The following CREBL2 variants were observed in gnomAD, a reference collection of about 807,000 sequenced individuals.
CREBL2 encodes cAMP-responsive element-binding protein-like 2.
CREBL2 carries 4 observed loss-of-function variants against 19.5 expected under a neutral mutation model. The observed-to-expected ratio is 0.20, with a 90% CI of 0.10 to 0.47. CREBL2 has a LOEUF of 0.47. CREBL2 is among the 20% of genes least tolerant of loss of function. The pLI, the probability that CREBL2 is intolerant of heterozygous loss-of-function variation, is 0.98. For synonymous variants in CREBL2, 42 were observed against 46.6 expected, an observed-to-expected ratio of 0.90 and a Z score of 0.40; for missense variants, 85 against 145.1, an observed-to-expected ratio of 0.59 and a Z score of 2.13.
intron 1 of CREBL2, among the ~76,000 whole-genome samples, chr12:12,625,059 TAGTCTCGTCTACC>T (rs1465156927): frequency 2.0e-5 from 3 of 152,002 alleles, no homozygotes; most frequent in African/African-American, 7.3e-5. Context: ...CATCTAGCCG[TAGTCTCGTCTACC>T]AGTCTCGTCT....
intron 3 of CREBL2, 36 bp from the exon 4 acceptor site, chr12:12,641,958 A>G: frequency 6.7e-7 from 1 of 1,494,364 alleles, no homozygotes; most frequent in South Asian, 1.2e-5. Flanking sequence ...TATTGACTCT[A>G]AAAACATTCT....
chr12:12,638,782 A>G (rs141678905), intron 3 of CREBL2, among the ~76,000 whole-genome samples: 3 of 152,218 alleles, frequency 2.0e-5, no homozygotes, highest in African/African-American at 2.4e-5. Context: ...CACCTAATCC[A>G]GGCTGTCTAG....
intron 1 of CREBL2, among the ~76,000 whole-genome samples, chr12:12,622,013 G>C (rs942593420): frequency 2.6e-5 from 4 of 152,198 alleles, no homozygotes; most frequent in Non-Finnish European, 4.4e-5. Context: ...CATATGACTG[G>C]AGTTCAAATC....
At chr12:12,641,244 A>ATTTTTTTTTTTTTTTTT (rs1566116871) in intron 3 of CREBL2, among the ~76,000 whole-genome samples, 1 of 15,584 alleles carries the variant, frequency 6.4e-5, no homozygotes, top group African/African-American at 1.1e-4. Flanking sequence ...TATTATTATT[A>ATTTTTTTTTTTTTTTTT]TTATTATTAT....
At chr12:12,631,542 C>T (rs1945442624) in intron 1 of CREBL2, among the ~76,000 whole-genome samples, 1 of 152,152 alleles carries the variant, frequency 6.6e-6, no homozygotes, top group Non-Finnish European at 1.5e-5. Context: ...TAATATGCTT[C>T]CTCACAGAAG....
In CREBL2 at chr12:12,641,260, TTTA is replaced by T. The variant is rs374827206; in HGVS notation, c.359-731_359-729del. 1.9e-3 allele frequency among the ~76,000 whole-genome samples: 203 copies of T among 106,772 alleles called. 2 individuals are homozygous for T. Among genetic ancestry groups the T allele is most frequent in the African/African-American group, 5.4e-3 (155 of 28,466 alleles). 70.0% of individuals were successfully genotyped at this position (106,772 alleles called of 152,430 possible). On this transcript the variant is annotated intron_variant, in intron 3 of 3. Transcript: ENST00000228865. ...ATTATTATTATTATTATTATTTTTT[TTTA>T]TTTTTTTTTTTTTTAGGTCAACCTC...
intron 3 of CREBL2, among the ~76,000 whole-genome samples, chr12:12,639,041 T>A (rs552224918): frequency 6.6e-5 from 10 of 152,346 alleles, no homozygotes; most frequent in Admixed American, 6.5e-4. Context: ...TTCTGTATAT[T>A]AATATTTTAT....
intron 1 of CREBL2, among the ~76,000 whole-genome samples, chr12:12,618,316 G>T (rs1238276877): frequency 1.3e-5 from 2 of 151,320 alleles, no homozygotes; most frequent in Non-Finnish European, 2.9e-5. Flanking sequence ...TTCTCAGACG[G>T]GGCAGCCGGG....
In CREBL2 at chr12:12,635,941, A is replaced by G; in HGVS notation, c.180A>G (p.Arg60=). The stretch of plus-strand genomic sequence containing the variant: ...AAGAGTTGGTATCCAGTCGAGAAAG[A>G]GCTATATGTGCCCTCAGAGAGGAAC... ...YLEELVSSRE[R]AICALREELE... The change falls in exon 2 of 4, where the codon AGA becomes AGG. Residue 60 remains arginine, a synonymous_variant. Coordinates refer to ENST00000228865, the MANE Select transcript of CREBL2 (RefSeq NM_001310.4). 1.2e-6 allele frequency: 2 copies of G among 1,614,154 alleles called. No individual in the cohort carries two copies. Among genetic ancestry groups the G allele is most frequent in the Non-Finnish European group, 1.7e-6 (2 of 1,180,016 alleles).
In CREBL2 at chr12:12,611,938, A is replaced by AGGCGGC; in HGVS notation, c.-227_-222dup. ...GAGACTGTCATGGAGGGGGAGGAGG[A>AGGCGGC]GGCGGCGGCGGCGAAGGGAGGCGTT... On this transcript the variant is annotated 5_prime_UTR_variant, in exon 1 of 4. Coordinates refer to ENST00000228865, the MANE Select transcript of CREBL2 (RefSeq NM_001310.4). The AGGCGGC allele has an allele frequency of 3.5e-6, 2 of 577,292 alleles. No homozygotes were observed. Among genetic ancestry groups the AGGCGGC allele is most frequent in the East Asian group, 3.0e-5 (1 of 33,514 alleles). The allele number at this position is 577,292 out of a possible 1,614,324, so 35.8% of individuals were successfully genotyped here.
Position 12,644,011 on chromosome 12 carries a change from C to T in CREBL2, c.*2013C>T, listed in dbSNP as rs1014510514. 2.6e-5 allele frequency: 4 copies of T among 152,708 alleles called. No individual in the cohort carries two copies. Among genetic ancestry groups the T allele is most frequent in the African/African-American group, 7.2e-5 (3 of 41,558 alleles). 9.5% of individuals were successfully genotyped at this position (152,708 alleles called of 1,614,324 possible). ...AAAACAAACATTCCAGAATGAATGT[C>T]GCTCTTCAATGGAACGTCTTTATTG... On this transcript the variant is annotated 3_prime_UTR_variant, in exon 4 of 4. Transcript: ENST00000228865.
intron 1 of CREBL2, among the ~76,000 whole-genome samples, chr12:12,627,517 G>C (rs1945411182): frequency 6.6e-6 from 1 of 152,140 alleles, no homozygotes; most frequent in Non-Finnish European, 1.5e-5. Flanking sequence ...TTAGCATAAT[G>C]CTTTCAAGGC....
chr12:12,616,112 T>C (rs984370172), intron 1 of CREBL2, among the ~76,000 whole-genome samples: 12 of 152,248 alleles, frequency 7.9e-5, no homozygotes, highest in Non-Finnish European at 1.8e-4. Context: ...TTTTCCTAAC[T>C]TGAGATTCAG....
At chr12:12,634,121 C>T (rs1192066646) in intron 1 of CREBL2, among the ~76,000 whole-genome samples, 1 of 152,158 alleles carries the variant, frequency 6.6e-6, no homozygotes, top group Non-Finnish European at 1.5e-5. Context: ...TAAAAACAGG[C>T]TCCAATACTA....
At chr12:12,637,746 A>G in intron 3 of CREBL2, 32 bp downstream of exon 3, 1 of 1,584,032 alleles carries the variant, frequency 6.3e-7, no homozygotes, top group Non-Finnish European at 8.6e-7. Context: ...ATTTATATTT[A>G]AGAGAGTGTC....
chr12:12,632,204 A>T lies in CREBL2; in HGVS notation c.16-3573A>T, dbSNP rs1945447220. Among the ~76,000 whole-genome samples the T allele has an allele frequency of 1.4e-5, 2 of 144,430 alleles. 1 individual carries two copies. Among genetic ancestry groups the T allele is most frequent in the South Asian group, 4.4e-4 (2 of 4,544 alleles). 94.8% of individuals were successfully genotyped at this position (144,430 alleles called of 152,430 possible). A position where few individuals can be genotyped will look rare whatever the true frequency, so the allele number is the denominator to read the frequency against. The stretch of plus-strand genomic sequence containing the variant: ...GCCATTCTCCTGCCTCAGCCTCCCA[A>T]GTAGCTGGGACTACAGGCGCCCGCC... On this transcript the variant is annotated intron_variant, in intron 1 of 3. Transcript: ENST00000228865.
At chr12:12,635,424 A>G (rs1176198063) in intron 1 of CREBL2, among the ~76,000 whole-genome samples, 1 of 151,610 alleles carries the variant, frequency 6.6e-6, no homozygotes, top group East Asian at 1.9e-4. Context: ...CATTTTTCTT[A>G]TCTATCTCCA....
Position 12,637,638 on chromosome 12 carries a change from A to G in CREBL2, c.282A>G (p.Gly94=), listed in dbSNP as rs959307402. 2 of 1,613,642 alleles carry G rather than the reference A, an allele frequency of 1.2e-6. No homozygotes were observed. The highest frequency in any genetic ancestry group is 1.3e-5 in the African/African-American group (1 of 74,930). ...CTGAAATAAAGGCCCTACTCACTGG[A>G]GAAGAGCAGAACAAATCTCAGCAGA... ...IPSEIKALLT[G]EEQNKSQQNS... is the part of the protein sequence containing the mutation. Residue 94 remains glycine, a synonymous_variant, in exon 3 of 4, where the codon GGA becomes GGG. Transcript: ENST00000228865.
intron 3 of CREBL2, among the ~76,000 whole-genome samples, chr12:12,640,904 G>GT (rs1355146027): frequency 7.9e-5 from 12 of 151,962 alleles, no homozygotes; most frequent in African/African-American, 2.2e-4. Context: ...ATCTATTTTT[G>GT]TTTTTTTGTT....
Sources: gnomAD v4.1 joint callset for allele counts (sites outside exome capture counted in the v4.1 genomes callset) on GRCh38, gnomAD v4.1.1 for gene constraint, MANE v1.5 for transcripts, NCBI Gene and HGNC (gene_info 2026-07-23, HGNC 2026-07-21) for gene names.